Variants in NCAPH observed in about 807,000 individuals in gnomAD.
The protein encoded by NCAPH is non-SMC condensin I complex subunit H, also known as condensin complex subunit 2.
NCAPH carries 38 observed loss-of-function variants against 85.5 expected under a neutral mutation model. That is an observed-to-expected ratio of 0.44 (90% confidence interval 0.34 to 0.58). NCAPH has a LOEUF of 0.58. Ranked by LOEUF, NCAPH falls within the 20% of genes least tolerant of loss-of-function variation. The pLI is 0.01. For synonymous variants in NCAPH, 301 were observed against 335.1 expected, an observed-to-expected ratio of 0.90 and a Z score of 1.11; for missense variants, 789 against 916.6, an observed-to-expected ratio of 0.86 and a Z score of 1.80.
In NCAPH at chr2:96,376,485, G is replaced by A. The variant is rs968933497; in HGVS notation, c.*3134G>A. On this transcript the variant is annotated 3_prime_UTR_variant, in exon 18 of 18. Transcript: ENST00000240423. ...ACAGCTAGGTGCACTTCCCTGGCCA[G>A]ACCACCCTACAGTGTATGATCCCCC... 1.2e-4 allele frequency among the ~76,000 whole-genome samples: 18 copies of A among 152,318 alleles called. No individual in the cohort carries two copies. Among genetic ancestry groups the A allele is most frequent in the Admixed American group, 5.9e-4 (9 of 15,304 alleles).
In NCAPH at chr2:96,342,041, T is replaced by C; in HGVS notation, c.273-9T>C. The C allele has an allele frequency of 6.2e-7, 1 of 1,610,260 alleles. No individual in the cohort carries two copies. Among genetic ancestry groups the C allele is most frequent in the Non-Finnish European group, 8.5e-7 (1 of 1,176,610 alleles). On this transcript the variant is annotated splice_polypyrimidine_tract_variant and intron_variant, in intron 2 of 17. Transcript: ENST00000240423. ...TTGCCAGAGTTGTTTGTTTTTGTTT[T>C]CCATTTAGGAGTATTGACATTTCAG...
intron 14 of NCAPH, among the ~76,000 whole-genome samples, chr2:96,366,355 G>A (rs1368215765): frequency 1.3e-5 from 2 of 152,206 alleles, no homozygotes; most frequent in African/African-American, 2.4e-5. Context: ...AATTCAGCAA[G>A]GCTAGCTAGC....
Sources: gnomAD v4.1 joint callset for allele counts (sites outside exome capture counted in the v4.1 genomes callset) on GRCh38, gnomAD v4.1.1 for gene constraint, MANE v1.5 for transcripts, NCBI Gene and HGNC (gene_info 2026-07-23, HGNC 2026-07-21) for gene names.